The following FGD5 variants were observed in gnomAD, a reference collection of about 807,000 sequenced individuals.
FGD5 encodes the protein FYVE, RhoGEF and PH domain-containing protein 5.
FGD5 carries 28 observed loss-of-function variants against 133.4 expected under a neutral mutation model. That is an observed-to-expected ratio of 0.21 (90% confidence interval 0.16 to 0.29). The LOEUF (loss-of-function observed/expected upper bound fraction) is 0.29. FGD5 is among the 10% of genes least tolerant of loss of function. FGD5 has a pLI of 1.00. For missense variants in FGD5, 1,858 were observed against 1,895.2 expected (o/e 0.98, Z 0.36); for synonymous variants, 810 against 776.5 (o/e 1.04, Z -0.72).
At chr3:14,844,167 C>T (rs1330329409) in intron 1 of FGD5, among the ~76,000 whole-genome samples, 1 of 126,086 alleles carries the variant, frequency 7.9e-6, no homozygotes, top group African/African-American at 3.0e-5. Flanking sequence ...TGTCCTGACC[C>T]TTTCAGCTGT....
intron 2 of FGD5, among the ~76,000 whole-genome samples, chr3:14,867,433 T>C (rs909013347): frequency 6.6e-6 from 1 of 152,220 alleles, no homozygotes; most frequent in African/African-American, 2.4e-5. Context: ...TTCATCAGCA[T>C]TGCAGTGAAC....
intron 2 of FGD5, among the ~76,000 whole-genome samples, chr3:14,872,746 C>T (rs916701994): frequency 6.6e-6 from 1 of 152,228 alleles, no homozygotes; most frequent in African/African-American, 2.4e-5. Flanking sequence ...CTCCTCAAAC[C>T]AGCCAGAGCC....
rs2036493072 is a variant in FGD5 at position 14,821,210 on chromosome 3, C to A, written c.2139C>A (p.Leu713=). 2 of 1,613,812 alleles carry A rather than the reference C, an allele frequency of 1.2e-6. No individual in the cohort carries two copies. Among genetic ancestry groups the A allele is most frequent in the Non-Finnish European group, 1.7e-6 (2 of 1,179,884 alleles). Residue 713 remains leucine, a synonymous_variant, in exon 1 of 20, where the codon CTC becomes CTA. Coordinates refer to ENST00000285046, the MANE Select transcript of FGD5 (RefSeq NM_152536.4). Reference sequence around the variant, plus strand: ...AGCTTAAGTCTCGGACTGGGAAGCTCCGGGCTTCTGAATCCCCCTCCTCCC... The same window carrying A: ...AGCTTAAGTCTCGGACTGGGAAGCTACGGGCTTCTGAATCCCCCTCCTCCC... ...SPQLKSRTGK[L]RASESPSSLI...
chr3:14,860,722 C>A (rs1014133271), intron 1 of FGD5, among the ~76,000 whole-genome samples: 11 of 151,998 alleles, frequency 7.2e-5, no homozygotes, highest in African/African-American at 2.4e-4. Flanking sequence ...ACCTATAATT[C>A]CAGCTACTGG....
intron 1 of FGD5, among the ~76,000 whole-genome samples, chr3:14,835,141 A>T (rs2036791314): frequency 6.6e-6 from 1 of 152,102 alleles, no homozygotes; most frequent in Non-Finnish European, 1.5e-5. Context: ...ATGGCGAGCC[A>T]CTCTCACAGT....
intron 10 of FGD5, among the ~76,000 whole-genome samples, chr3:14,909,999 T>C (rs1687342): frequency 0.083 from 12,615 of 151,854 alleles, 961 homozygotes; most frequent in East Asian, 0.41. Flanking sequence ...CTCCTGACCC[T>C]GTGATCTGCC....
At chr3:14,853,290 A>G (rs2037202782) in intron 1 of FGD5, among the ~76,000 whole-genome samples, 1 of 152,198 alleles carries the variant, frequency 6.6e-6, no homozygotes, top group Non-Finnish European at 1.5e-5. Context: ...AGGATTCAGC[A>G]AAGGAGTGGA....
intron 6 of FGD5, 126 bp downstream of exon 6, chr3:14,898,221 G>A: frequency 7.9e-7 from 1 of 1,259,244 alleles, no homozygotes. Flanking sequence ...GGGAAGACCT[G>A]GCCAGAGGGA....
intron 1 of FGD5, among the ~76,000 whole-genome samples, chr3:14,833,033 A>G (rs1386010694): frequency 2.0e-5 from 3 of 152,226 alleles, no homozygotes; most frequent in Non-Finnish European, 4.4e-5. Flanking sequence ...ATAAACTAAT[A>G]ATAATTTCTG....
At chr3:14,906,236 T>A (rs547487000) in intron 9 of FGD5, among the ~76,000 whole-genome samples, 1 of 152,224 alleles carries the variant, frequency 6.6e-6, no homozygotes, top group African/African-American at 2.4e-5. Context: ...GGTGGGCACA[T>A]GCCTACATCT....
chr3:14,868,684 T>G (rs4552333), intron 2 of FGD5, among the ~76,000 whole-genome samples: 11,999 of 152,286 alleles, frequency 0.079, 741 homozygotes, highest in East Asian at 0.3. Flanking sequence ...CAGAAAACAA[T>G]ACTCATCTCC....
rs139110118 is a variant in FGD5, at chr3:14,882,420, A to G, written c.2748+1648A>G. 5.7e-5 allele frequency: 51 copies of G among 887,994 alleles called. No individual in the cohort carries two copies. In the East Asian group the frequency reaches 3.5e-3, roughly 61 times the overall value. 55.0% of individuals were successfully genotyped at this position (887,994 alleles called of 1,614,324 possible). A position where few individuals can be genotyped will look rare whatever the true frequency, so the allele number is the denominator to read the frequency against. ...GCCCATAAAAGTCATCACTCAGGCC[A>G]GGCGCGATGGCTCATGCCTGTAATC... On this transcript the variant is annotated intron_variant, in intron 4 of 19. Coordinates refer to ENST00000285046, the MANE Select transcript of FGD5 (RefSeq NM_152536.4).
chr3:14,878,624 T>A (rs1372693492), intron 2 of FGD5, among the ~76,000 whole-genome samples: 1 of 152,110 alleles, frequency 6.6e-6, no homozygotes, highest in Admixed American at 6.5e-5. Context: ...TCTCCTACTG[T>A]GCCCATTTCA....
At chr3:14,818,689 G>A (rs1211590765), upstream of FGD5, among the ~76,000 whole-genome samples, 1 of 152,214 alleles carries the variant, frequency 6.6e-6, no homozygotes. Context: ...AGGAGCACAG[G>A]ATTTCATTTG....
At chr3:14,832,897 A>G (rs949181459) in intron 1 of FGD5, among the ~76,000 whole-genome samples, 2 of 152,200 alleles carry the variant, frequency 1.3e-5, no homozygotes, top group East Asian at 1.9e-4. Context: ...GGCACACACT[A>G]TTGCAGTAAC....
intron 1 of FGD5, among the ~76,000 whole-genome samples, chr3:14,843,966 A>T (rs898696334): frequency 1.4e-4 from 21 of 151,006 alleles, no homozygotes; most frequent in Admixed American, 6.6e-5. Flanking sequence ...AAGTGCTGGG[A>T]TTACAGGCGT....
At chr3:14,906,473 G>T (rs1198030834) in intron 9 of FGD5, among the ~76,000 whole-genome samples, 1 of 152,212 alleles carries the variant, frequency 6.6e-6, no homozygotes, top group Non-Finnish European at 1.5e-5. Flanking sequence ...GGGGTGGGAG[G>T]TCTCCTGGCC....
At chr3:14,871,847 T>C (rs2037613539) in intron 2 of FGD5, among the ~76,000 whole-genome samples, 1 of 152,250 alleles carries the variant, frequency 6.6e-6, no homozygotes, top group Non-Finnish European at 1.5e-5. Flanking sequence ...GGTCCACAGA[T>C]GATACTCAGT....
At position 14,880,641 on chromosome 3, in the gene FGD5, A is replaced by G; in HGVS notation, c.2717+11A>G. The G allele has an allele frequency of 6.2e-7, 1 of 1,613,974 alleles. No homozygotes were observed. The highest frequency in any genetic ancestry group is 8.5e-7 in the Non-Finnish European group (1 of 1,179,888). On this transcript the variant is annotated intron_variant, in intron 3 of 19. Transcript: ENST00000285046. ...ATCTTCAGAGAAAGCGTGAGTCCCC[A>G]AGGAGCTGCCTGTGGCCTTGAGCTT...
Sources: gnomAD v4.1 joint callset for allele counts (sites outside exome capture counted in the v4.1 genomes callset) on GRCh38, gnomAD v4.1.1 for gene constraint, MANE v1.5 for transcripts, NCBI Gene and HGNC (gene_info 2026-07-23, HGNC 2026-07-21) for gene names.